TMEM132C: variants seen among roughly 807,000 people sequenced by gnomAD.
The protein encoded by TMEM132C is protein phosphatase 1, regulatory subunit 152.
TMEM132C carries 29 observed loss-of-function variants against 61.4 expected under a neutral mutation model. That is an observed-to-expected ratio of 0.47 (90% CI 0.35 to 0.64). The LOEUF (loss-of-function observed/expected upper bound fraction) is 0.64. TMEM132C is among the 30% of genes least tolerant of loss of function. The pLI is 0.00. For synonymous variants in TMEM132C, 656 were observed against 633.1 expected, an observed-to-expected ratio of 1.04 and a Z score of -0.54; for missense variants, 1,408 against 1,476.9, an observed-to-expected ratio of 0.95 and a Z score of 0.76.
At chr12:128,585,352 A>G (rs1418727598) in intron 3 of TMEM132C, among the ~76,000 whole-genome samples, 3 of 152,168 alleles carry the variant, frequency 2.0e-5, no homozygotes, top group African/African-American at 4.8e-5. Context: ...CCCAAAGGCT[A>G]TGACCCAGCC....
intron 4 of TMEM132C, among the ~76,000 whole-genome samples, chr12:128,629,035 G>GA (rs1179656127): frequency 6.6e-6 from 1 of 151,936 alleles, no homozygotes; most frequent in African/African-American, 2.4e-5. Context: ...TATTTTGGAG[G>GA]AAAAAAATGG....
rs964303899 is a variant in TMEM132C at position 128,445,567 on chromosome 12, G to A, written c.974+29947G>A. The stretch of plus-strand genomic sequence containing the variant: ...AGCCCTGGGAAGCTGCCTGTCCACG[G>A]TGGGAGACAAGCTTCTTCCTCTTCA... On this transcript the variant is annotated intron_variant, in intron 2 of 8. Transcript: ENST00000435159. Among the ~76,000 whole-genome samples, 10 of 152,146 alleles carry A rather than the reference G, an allele frequency of 6.6e-5. 1 individual carries two copies. The highest frequency in any genetic ancestry group is 2.4e-4 in the African/African-American group (10 of 41,416).
intron 3 of TMEM132C, among the ~76,000 whole-genome samples, chr12:128,598,374 T>A (rs1374474539): frequency 1.3e-5 from 2 of 152,092 alleles, no homozygotes; most frequent in Non-Finnish European, 2.9e-5. Flanking sequence ...AGGCGGAGAT[T>A]GCAGTGAGCC....
rs1326893172 is a variant in TMEM132C at position 128,706,071 on chromosome 12, C to T, written c.3103C>T (p.Gln1035Ter). The change falls in exon 9 of 9, where the codon CAG becomes TAG. Residue 1035 changes from glutamine (Q) to a stop codon, truncating the protein, a stop_gained. Transcript: ENST00000435159. LOFTEE classifies it low-confidence loss of function (END_TRUNC). ...IHRSADSGGR[Q>*]GREQKQDPLH... ...CAGGTCAGCCGACTCCGGGGGGCGG[C>T]AGGGCAGAGAACAGAAGCAGGACCC... is the stretch of plus-strand genomic sequence containing the variant. 3 of 1,551,584 alleles carry T rather than the reference C, an allele frequency of 1.9e-6. No homozygotes were observed. The African/African-American group carries it at 4.1e-5, about 21-fold the overall frequency.
intron 2 of TMEM132C, among the ~76,000 whole-genome samples, chr12:128,512,158 A>G (rs910268421): frequency 1.3e-5 from 2 of 151,976 alleles, no homozygotes; most frequent in Non-Finnish European, 2.9e-5. Context: ...AAATCATAAC[A>G]ATTAAAAAGA....
chr12:128,470,739 C>A (rs111592290), intron 2 of TMEM132C, among the ~76,000 whole-genome samples: 7 of 152,172 alleles, frequency 4.6e-5, no homozygotes, highest in Non-Finnish European at 1.0e-4. Flanking sequence ...GGTATCTGTA[C>A]ACTTTTTCTT....
chr12:128,398,554 A>G (rs116192049), intron 1 of TMEM132C, among the ~76,000 whole-genome samples: 2,053 of 152,262 alleles, frequency 0.013, 48 homozygotes, highest in African/African-American at 0.047. Flanking sequence ...AATTTTAAAA[A>G]ATACATAACA....
At chr12:128,350,628 G>T (rs1283145685) in intron 1 of TMEM132C, among the ~76,000 whole-genome samples, 1 of 152,040 alleles carries the variant, frequency 6.6e-6, no homozygotes, top group African/African-American at 2.4e-5. Context: ...GGATGCATCA[G>T]GGACATGGGC....
chr12:128,459,414 G>C (rs1429605722), intron 2 of TMEM132C, among the ~76,000 whole-genome samples: 1 of 152,224 alleles, frequency 6.6e-6, no homozygotes, highest in African/African-American at 2.4e-5. Flanking sequence ...GGGTTTGAGA[G>C]ACCAAGGAAG....
At chr12:128,328,049 AG>A (rs1872577235) in intron 1 of TMEM132C, among the ~76,000 whole-genome samples, 1 of 152,094 alleles carries the variant, frequency 6.6e-6, no homozygotes, top group Admixed American at 6.5e-5. Context: ...CCAGTCTTTC[AG>A]GTTAAATTTT....
At chr12:128,674,699 A>G (rs377004307) in intron 5 of TMEM132C, among the ~76,000 whole-genome samples, 2 of 152,054 alleles carry the variant, frequency 1.3e-5, no homozygotes, top group African/African-American at 4.8e-5. Flanking sequence ...TCCATAAGTT[A>G]TTGGCGTACA....
In TMEM132C at chr12:128,415,282, C is replaced by G. The variant is rs573315759; in HGVS notation, c.636C>G (p.Ala212=). ...SSWFSAPTVG[A]GRKKSMDQPE... ...GGTTCAGTGCCCCGACGGTGGGTGC[C>G]GGGAGGAAGAAGTCCATGGACCAGC... Residue 212 remains alanine (A), a synonymous_variant, in exon 2 of 9, where the codon GCC becomes GCG. Transcript: ENST00000435159. The surrounding 1 kb of genome is among the most constrained non-coding windows in gnomAD (Gnocchi z 5.8). The G allele has an allele frequency of 3.1e-5, 49 of 1,597,686 alleles. No homozygotes were observed. The Middle Eastern group carries it at 9.9e-4, about 32-fold the overall frequency.
At chr12:128,531,496 A>G (rs7972923) in intron 2 of TMEM132C, among the ~76,000 whole-genome samples, 59,190 of 152,174 alleles carry the variant, frequency 0.39, 12,053 homozygotes, top group African/African-American at 0.49. Flanking sequence ...AGGGAGTTCT[A>G]CAGGCAGGGA....
intron 2 of TMEM132C, among the ~76,000 whole-genome samples, chr12:128,451,637 G>T (rs1341685750): frequency 6.6e-6 from 1 of 152,144 alleles, no homozygotes; most frequent in East Asian, 1.9e-4. Flanking sequence ...AGGGGAGTAA[G>T]CATTGCACTT....
intron 2 of TMEM132C, among the ~76,000 whole-genome samples, chr12:128,437,218 C>T (rs1322753445): frequency 6.6e-6 from 1 of 152,258 alleles, no homozygotes; most frequent in East Asian, 1.9e-4. Context: ...ATAGGTACAG[C>T]AAACCAACAT....
intron 3 of TMEM132C, among the ~76,000 whole-genome samples, chr12:128,569,942 T>A (rs1423468421): frequency 6.6e-6 from 1 of 152,148 alleles, no homozygotes; most frequent in Non-Finnish European, 1.5e-5. Context: ...TCTCTTCTGG[T>A]CTCCAAGCCC....
intron 1 of TMEM132C, among the ~76,000 whole-genome samples, chr12:128,371,970 T>C (rs558726593): frequency 1.3e-5 from 2 of 152,312 alleles, no homozygotes; most frequent in East Asian, 3.9e-4. Context: ...ATTTAGTCAC[T>C]TTGCAGAGTT....
At chr12:128,465,514 A>T (rs1870702440) in intron 2 of TMEM132C, among the ~76,000 whole-genome samples, 1 of 152,090 alleles carries the variant, frequency 6.6e-6, no homozygotes, top group South Asian at 2.1e-4. Context: ...TCATTTCTTC[A>T]TTCACATGAG....
chr12:128,495,338 G>A (rs527707873), intron 2 of TMEM132C, among the ~76,000 whole-genome samples: 1 of 152,194 alleles, frequency 6.6e-6, no homozygotes, highest in South Asian at 2.1e-4. Flanking sequence ...GAGTTCTGTA[G>A]GTGTCTATTA....
Sources: gnomAD v4.1 joint callset for allele counts (sites outside exome capture counted in the v4.1 genomes callset) on GRCh38, gnomAD v4.1.1 for gene constraint, Gnocchi (gnomAD v3.1) non-coding constraint, MANE v1.5 for transcripts, NCBI Gene and HGNC (gene_info 2026-07-23, HGNC 2026-07-21) for gene names.